The following CDH18 variants were observed in gnomAD, a reference collection of about 807,000 sequenced individuals.
CDH18 encodes cadherin-18.
Under a neutral mutation model 67.9 loss-of-function variants are expected in CDH18, and 31 were observed. The ratio of observed to expected loss-of-function variants is 0.46; its 90% CI spans 0.34 to 0.62. CDH18 has a LOEUF of 0.62. Among genes scored for constraint, CDH18 ranks in the 20% least tolerant of loss-of-function variants. The pLI, the probability that CDH18 is intolerant of heterozygous loss-of-function variation, is 0.01. For synonymous variants in CDH18, 362 were observed against 347.2 expected, an observed-to-expected ratio of 1.04 and a Z score of -0.48; for missense variants, 890 against 975.5, an observed-to-expected ratio of 0.91 and a Z score of 1.17.
At chr5:20,030,985 C>T (rs1019283324) in intron 2 of CDH18, among the ~76,000 whole-genome samples, 2 of 152,082 alleles carry the variant, frequency 1.3e-5, no homozygotes, top group African/African-American at 4.8e-5. Context: ...TGGGCTTACC[C>T]ACCTCCTTGA....
At chr5:20,066,610 C>T (rs1293572452) in intron 2 of CDH18, among the ~76,000 whole-genome samples, 4 of 151,764 alleles carry the variant, frequency 2.6e-5, no homozygotes, top group Non-Finnish European at 1.5e-5. Context: ...TTAAAGTATC[C>T]AATTTTGTTT....
At chr5:20,324,264 G>A (rs1022612646) in intron 1 of CDH18, among the ~76,000 whole-genome samples, 41 of 151,938 alleles carry the variant, frequency 2.7e-4, no homozygotes, top group Non-Finnish European at 5.4e-4. Context: ...GGCCGGGCGC[G>A]GTGGGTGGCT....
At chr5:19,538,709 G>T (rs1475993106) in intron 9 of CDH18, among the ~76,000 whole-genome samples, 1 of 151,992 alleles carries the variant, frequency 6.6e-6, no homozygotes, top group African/African-American at 2.4e-5. Flanking sequence ...GTATGACCCT[G>T]AAACAAGGCC....
At chr5:19,810,528 CGAG>C (rs1202561539) in intron 3 of CDH18, among the ~76,000 whole-genome samples, 1 of 151,284 alleles carries the variant, frequency 6.6e-6, no homozygotes, top group Non-Finnish European at 1.5e-5. Context: ...TAGAATGAAA[CGAG>C]GATGAAACAA....
intron 2 of CDH18, among the ~76,000 whole-genome samples, chr5:19,978,701 T>C (rs748027883): frequency 6.6e-6 from 1 of 152,104 alleles, no homozygotes; most frequent in Non-Finnish European, 1.5e-5. Context: ...CCAAAGCACT[T>C]GGCCCTCTTC....
intron 3 of CDH18, among the ~76,000 whole-genome samples, chr5:19,808,331 A>T (rs552281886): frequency 1.4e-3 from 220 of 152,030 alleles, no homozygotes; most frequent in Middle Eastern, 0.01. Flanking sequence ...AAAAAAAACA[A>T]AAATAAAACT....
intron 5 of CDH18, among the ~76,000 whole-genome samples, chr5:19,713,263 G>T (rs938938221): frequency 8.6e-5 from 13 of 151,948 alleles, no homozygotes; most frequent in Non-Finnish European, 1.8e-4. Flanking sequence ...ATATGTAAAG[G>T]TATAACTACC....
intron 9 of CDH18, among the ~76,000 whole-genome samples, chr5:19,540,129 C>T (rs978977398): frequency 7.9e-5 from 12 of 152,212 alleles, no homozygotes; most frequent in Admixed American, 7.9e-4. Flanking sequence ...TATAGCCATT[C>T]CAAATGGGAA....
At chr5:19,871,090 G>A (rs1786217603) in intron 2 of CDH18, among the ~76,000 whole-genome samples, 1 of 152,220 alleles carries the variant, frequency 6.6e-6, no homozygotes, top group South Asian at 2.1e-4. Flanking sequence ...ATGTGCAGAG[G>A]TCATATAACT....
At chr5:20,102,710 G>A (rs1053280642) in intron 2 of CDH18, among the ~76,000 whole-genome samples, 2 of 152,050 alleles carry the variant, frequency 1.3e-5, no homozygotes, top group Non-Finnish European at 2.9e-5. Context: ...TTTACAAACT[G>A]ATAAAGCCAA....
At chr5:19,678,841 G>T (rs1203133969) in intron 5 of CDH18, among the ~76,000 whole-genome samples, 1 of 151,954 alleles carries the variant, frequency 6.6e-6, no homozygotes, top group African/African-American at 2.4e-5. Flanking sequence ...TCCAGGACCA[G>T]ATGGATTCAC....
Position 20,515,093 on chromosome 5 carries a change from T to C in CDH18, c.-580+60369A>G, listed in dbSNP as rs112171748. Among the ~76,000 whole-genome samples, 640 of 152,152 alleles carry C rather than the reference T, an allele frequency of 4.2e-3. 3 individuals are homozygous for C. Among genetic ancestry groups the C allele is most frequent in the Non-Finnish European group, 6.8e-3 (462 of 67,980 alleles). ...TGGCTAATCTGTGTATCTCACATAT[T>C]GTGACATAAATACATGTCATGTAAA... is the stretch of plus-strand genomic sequence containing the variant. On this transcript the variant is annotated intron_variant, in intron 1 of 14. Coordinates refer to the CDH18 transcript ENST00000507958.
intron 2 of CDH18, among the ~76,000 whole-genome samples, chr5:19,908,115 C>G (rs1329238755): frequency 6.6e-6 from 1 of 151,978 alleles, no homozygotes; most frequent in Non-Finnish European, 1.5e-5. Context: ...AAATCATATT[C>G]AGAAGGCTTA....
chr5:19,864,429 C>A (rs1012654329), intron 2 of CDH18, among the ~76,000 whole-genome samples: 2 of 150,578 alleles, frequency 1.3e-5, no homozygotes, highest in East Asian at 2.0e-4. Flanking sequence ...CCTAATGCTA[C>A]ATGAGGAGTT....
intron 1 of CDH18, among the ~76,000 whole-genome samples, chr5:20,540,783 C>T (rs1449398070): frequency 6.6e-6 from 1 of 152,192 alleles, no homozygotes; most frequent in Non-Finnish European, 1.5e-5. Flanking sequence ...ACTAGATTAT[C>T]AAATCATTTG....
intron 8 of CDH18, among the ~76,000 whole-genome samples, chr5:19,562,569 C>T (rs1429029360): frequency 1.3e-5 from 2 of 152,108 alleles, no homozygotes; most frequent in Non-Finnish European, 2.9e-5. Context: ...ACTTTTAATA[C>T]TTTGCATCCA....
At chr5:19,555,846 A>T (rs1738310715) in intron 8 of CDH18, among the ~76,000 whole-genome samples, 1 of 152,162 alleles carries the variant, frequency 6.6e-6, no homozygotes, top group South Asian at 2.1e-4. Flanking sequence ...CAAAAATGCA[A>T]CCAAGGACCC....
intron 1 of CDH18, among the ~76,000 whole-genome samples, chr5:20,342,420 C>T (rs180985191): frequency 1.3e-5 from 2 of 152,220 alleles, no homozygotes; most frequent in Admixed American, 6.5e-5. Flanking sequence ...CAGTGATGGC[C>T]TCCCCTGAGG....
At chr5:20,156,222 C>T (rs1326288741) in intron 2 of CDH18, among the ~76,000 whole-genome samples, 1 of 152,066 alleles carries the variant, frequency 6.6e-6, no homozygotes, top group East Asian at 1.9e-4. Context: ...ACCAGCTATC[C>T]TGTACTGGGT....
Sources: allele counts gnomAD v4.1 joint callset (sites outside exome capture counted in the v4.1 genomes callset), GRCh38; gene constraint gnomAD v4.1.1; transcripts MANE v1.5; gene names NCBI Gene and HGNC (gene_info 2026-07-23, HGNC 2026-07-21).